The following ANKS1B variants were observed in gnomAD, a reference collection of about 807,000 sequenced individuals.
ANKS1B encodes the protein ankyrin repeat and sterile alpha motif domain containing 1B, also known as ankyrin repeat and sterile alpha motif domain-containing protein 1B.
ANKS1B carries 36 observed loss-of-function variants against 148.3 expected under a neutral mutation model. The observed-to-expected ratio is 0.24, with a 90% CI of 0.19 to 0.32. The LOEUF (loss-of-function observed/expected upper bound fraction) is 0.32, where lower values mean the gene tolerates loss of function less well. ANKS1B is among the 10% of genes least tolerant of loss of function. The probability of loss-of-function intolerance (pLI) is 1.00; values close to 1 mark genes in which losing one functional copy is unlikely to be tolerated. For missense variants in ANKS1B, 1,157 were observed against 1,542.6 expected (o/e 0.75, Z 4.19); for synonymous variants, 542 against 560.8 (o/e 0.97, Z 0.47).
chr12:99,753,190 G>C (rs565237640), intron 8 of ANKS1B, among the ~76,000 whole-genome samples: 1 of 152,198 alleles, frequency 6.6e-6, no homozygotes, highest in South Asian at 2.1e-4. Flanking sequence ...GTCTGAGCTG[G>C]AGTAAGTAAG....
intron 1 of ANKS1B, among the ~76,000 whole-genome samples, chr12:99,973,715 G>T (rs200824812): frequency 6.6e-6 from 1 of 152,242 alleles, no homozygotes; most frequent in African/African-American, 2.4e-5. Context: ...AACTGCAGAT[G>T]TGGTGGAAAT....
intron 8 of ANKS1B, among the ~76,000 whole-genome samples, chr12:99,757,315 T>A (rs1030263425): frequency 2.6e-5 from 4 of 152,000 alleles, no homozygotes; most frequent in Non-Finnish European, 5.9e-5. Flanking sequence ...AAAGAAGACA[T>A]ACATGCAGCC....
At chr12:99,300,786 T>C (rs77604445) in intron 12 of ANKS1B, among the ~76,000 whole-genome samples, 1,930 of 152,310 alleles carry the variant, frequency 0.013, 46 homozygotes, top group African/African-American at 0.044. Context: ...TTTAGAGGCA[T>C]ACTTTGGCTG....
intron 1 of ANKS1B, among the ~76,000 whole-genome samples, chr12:99,853,522 C>T (rs980334309): frequency 1.3e-5 from 2 of 152,108 alleles, no homozygotes; most frequent in Non-Finnish European, 2.9e-5. Context: ...ATCCCCATCA[C>T]TAGGGGAAGG....
intron 11 of ANKS1B, among the ~76,000 whole-genome samples, chr12:99,436,332 G>T (rs1273930753): frequency 6.6e-6 from 1 of 151,866 alleles, no homozygotes; most frequent in Non-Finnish European, 1.5e-5. Context: ...GTAAAATAAG[G>T]AAAAATATAC....
intron 1 of ANKS1B, among the ~76,000 whole-genome samples, chr12:99,933,816 T>C (rs1222100848): frequency 6.6e-6 from 1 of 152,128 alleles, no homozygotes; most frequent in Admixed American, 6.5e-5. Context: ...TGTCTTGTTC[T>C]AGATTTTATG....
intron 9 of ANKS1B, among the ~76,000 whole-genome samples, chr12:99,601,402 GA>G (rs954271306): frequency 2.0e-4 from 30 of 151,870 alleles, no homozygotes; most frequent in African/African-American, 7.2e-4. Context: ...ACATTGCCTG[GA>G]AAAAAACAGA....
chr12:98,896,378 A>G (rs1481158048), intron 17 of ANKS1B, among the ~76,000 whole-genome samples: 1 of 152,210 alleles, frequency 6.6e-6, no homozygotes, highest in Non-Finnish European at 1.5e-5. Context: ...GCATCTGTGC[A>G]TTATCTCATT....
At chr12:99,461,679 C>T (rs1173908618) in intron 10 of ANKS1B, among the ~76,000 whole-genome samples, 1 of 152,166 alleles carries the variant, frequency 6.6e-6, no homozygotes, top group East Asian at 1.9e-4. Flanking sequence ...CCCAATCTTG[C>T]TTTCCACCTC....
chr12:99,204,250 A>G (rs2082380571), intron 14 of ANKS1B, among the ~76,000 whole-genome samples: 1 of 152,258 alleles, frequency 6.6e-6, no homozygotes, highest in African/African-American at 2.4e-5. Flanking sequence ...AATAGCTAAA[A>G]ATAAAAATTC....
chr12:99,784,862 T>C (rs2064830113), intron 4 of ANKS1B, among the ~76,000 whole-genome samples: 2 of 152,220 alleles, frequency 1.3e-5, no homozygotes, highest in Admixed American at 1.3e-4. Flanking sequence ...TTCCTGGATG[T>C]TCCACATCAA....
At chr12:98,894,016 G>A (rs529805931) in intron 17 of ANKS1B, among the ~76,000 whole-genome samples, 5 of 152,142 alleles carry the variant, frequency 3.3e-5, no homozygotes, top group Non-Finnish European at 7.3e-5. Context: ...ACACTGACCC[G>A]ACCTTCACCG....
intron 17 of ANKS1B, among the ~76,000 whole-genome samples, chr12:98,994,277 A>G (rs184188624): frequency 2.0e-5 from 3 of 152,274 alleles, no homozygotes; most frequent in Non-Finnish European, 2.9e-5. Context: ...TACTAGGGAT[A>G]CTTCTTGTTT....
chr12:99,004,680 T>G (rs937319723), intron 17 of ANKS1B, among the ~76,000 whole-genome samples: 1 of 151,652 alleles, frequency 6.6e-6, no homozygotes, highest in African/African-American at 2.4e-5. Flanking sequence ...GGGGGGAAAA[T>G]GCCCTATGAA....
intron 3 of ANKS1B, among the ~76,000 whole-genome samples, chr12:99,807,533 A>C (rs1312108002): frequency 6.6e-6 from 1 of 152,192 alleles, no homozygotes; most frequent in Non-Finnish European, 1.5e-5. Flanking sequence ...AAGAAATTTT[A>C]GTAACAAAAA....
intron 10 of ANKS1B, among the ~76,000 whole-genome samples, chr12:99,497,529 G>A (rs1007382955): frequency 1.3e-5 from 2 of 152,120 alleles, no homozygotes; most frequent in Non-Finnish European, 2.9e-5. Flanking sequence ...CTTGGTTTGC[G>A]AATGGCTGCC....
chr12:99,582,170 T>C (rs114429310), intron 9 of ANKS1B, among the ~76,000 whole-genome samples: 6 of 151,914 alleles, frequency 3.9e-5, no homozygotes, highest in Admixed American at 3.9e-4. Flanking sequence ...CTCTTTAGAA[T>C]GGCCAATAAT....
intron 12 of ANKS1B, among the ~76,000 whole-genome samples, chr12:99,258,836 A>G (rs929051519): frequency 1.8e-4 from 27 of 152,192 alleles, no homozygotes; most frequent in African/African-American, 4.8e-4. Flanking sequence ...GTTTCCAAAC[A>G]TACAAGAAAT....
In ANKS1B at chr12:98,913,802, T is replaced by C. The variant is rs543302585; in HGVS notation, c.2779-81666A>G. 6.6e-5 allele frequency among the ~76,000 whole-genome samples: 10 copies of C among 152,260 alleles called. No individual in the cohort carries two copies. The East Asian group carries it at 1.9e-3, about 29-fold the overall frequency. ...GCCACTACCACACCCATCTAATTTT[T>C]GTATTTTTAGTAGAGACAAGGTTTT... On this transcript the variant is annotated intron_variant, in intron 17 of 26. Transcript: ENST00000683438.
Sources: gnomAD v4.1 joint callset for allele counts (sites outside exome capture counted in the v4.1 genomes callset) on GRCh38, gnomAD v4.1.1 for gene constraint, MANE v1.5 for transcripts, NCBI Gene and HGNC (gene_info 2026-07-23, HGNC 2026-07-21) for gene names.